The following PARD3 variants were observed in gnomAD, a reference collection of about 807,000 sequenced individuals.
The protein encoded by PARD3 is par-3 family cell polarity regulator, also known as partitioning defective 3 homolog.
PARD3 carries 75 observed loss-of-function variants against 155.4 expected under a neutral mutation model. The ratio of observed to expected loss-of-function variants is 0.48; its 90% CI spans 0.40 to 0.58. The LOEUF is 0.58. Among genes scored for constraint, PARD3 ranks in the 20% least tolerant of loss-of-function variants. The probability of loss-of-function intolerance (pLI) is 0.00; values close to 1 mark genes in which losing one functional copy is unlikely to be tolerated. For synonymous variants in PARD3, 576 were observed against 610.5 expected (o/e 0.94, Z 0.83); for missense variants, 1,642 against 1,721.7 (o/e 0.95, Z 0.82).
intron 2 of PARD3, among the ~76,000 whole-genome samples, chr10:34,574,390 A>G (rs2086723314): frequency 1.3e-5 from 2 of 152,316 alleles, no homozygotes; most frequent in South Asian, 4.1e-4. Flanking sequence ...ACACTTGTCC[A>G]TAATTCCTGT....
chr10:34,541,266 C>A (rs186685923), intron 2 of PARD3, among the ~76,000 whole-genome samples: 59 of 152,198 alleles, frequency 3.9e-4, no homozygotes, highest in Admixed American at 1.4e-3. Flanking sequence ...ATAAGAAACA[C>A]AAATGCAAAG....
intron 10 of PARD3, among the ~76,000 whole-genome samples, chr10:34,375,375 T>C (rs1316878178): frequency 6.6e-6 from 1 of 152,134 alleles, no homozygotes; most frequent in Non-Finnish European, 1.5e-5. Context: ...CATCATAGGT[T>C]TTCTTACACC....
At chr10:34,794,614 G>A (rs780570943) in intron 1 of PARD3, among the ~76,000 whole-genome samples, 2 of 152,164 alleles carry the variant, frequency 1.3e-5, no homozygotes, top group Non-Finnish European at 2.9e-5. Context: ...TTCCCATAAA[G>A]AAATGAGTGG....
chr10:34,473,402 C>A lies in PARD3; in HGVS notation c.404-3139G>T, dbSNP rs148605818. On this transcript the variant is annotated intron_variant, in intron 3 of 24. Transcript: ENST00000374788. ...AACAAAACCCAATAAAACAAGTCAA[C>A]GAGGCCAGGTGCAATGGCTCACACC... Among the ~76,000 whole-genome samples, 103 of 152,064 alleles carry A rather than the reference C, an allele frequency of 6.8e-4. 1 individual carries two copies. The South Asian group carries it at 7.5e-3, about 11-fold the overall frequency.
intron 22 of PARD3, among the ~76,000 whole-genome samples, chr10:34,134,644 C>T (rs995939794): frequency 6.6e-6 from 1 of 152,214 alleles, no homozygotes; most frequent in South Asian, 2.1e-4. Context: ...ACCCCCTTTT[C>T]CTCTGCTCTT....
rs189911803 is a variant in PARD3 at position 34,799,294 on chromosome 10, G to A, written c.120+15582C>T. ...TGACCTCAGGTGATCCACCCGCCTCGGCCTCCCAAAGTGCTGGGATTACAA... is the reference window on the plus strand; with the variant it reads ...TGACCTCAGGTGATCCACCCGCCTCAGCCTCCCAAAGTGCTGGGATTACAA... On this transcript the variant is annotated intron_variant, in intron 1 of 24. Coordinates refer to ENST00000374788, the MANE Select transcript of PARD3 (RefSeq NM_001184785.2). 3.4e-3 allele frequency among the ~76,000 whole-genome samples: 521 copies of A among 152,098 alleles called. 4 individuals carry two copies. The highest frequency in any genetic ancestry group is 0.012 in the African/African-American group (488 of 41,490).
chr10:34,487,935 A>G (rs1460155986), intron 3 of PARD3, among the ~76,000 whole-genome samples: 1 of 152,218 alleles, frequency 6.6e-6, no homozygotes, highest in African/African-American at 2.4e-5. Flanking sequence ...CTCTCCTTTG[A>G]CATTTGTCTT....
In PARD3 at chr10:34,678,563, G is replaced by A. The variant is rs555001864; in HGVS notation, c.222+17755C>T. ...CATGTTTTAGTAAGAGATTCCATACGAGTAATAAGGATCTGCTAATATCAC... is the reference window on the plus strand; with the variant it reads ...CATGTTTTAGTAAGAGATTCCATACAAGTAATAAGGATCTGCTAATATCAC... On this transcript the variant is annotated intron_variant, in intron 2 of 24. Transcript: ENST00000374788. Among the ~76,000 whole-genome samples, 350 of 152,018 alleles carry A rather than the reference G, an allele frequency of 2.3e-3. 3 individuals carry two copies. The highest frequency in any genetic ancestry group is 0.01 in the Middle Eastern group (3 of 292).
intron 20 of PARD3, among the ~76,000 whole-genome samples, chr10:34,305,517 G>A (rs1028918049): frequency 6.6e-6 from 1 of 152,340 alleles, no homozygotes; most frequent in Non-Finnish European, 1.5e-5. Context: ...AGACTCTGAC[G>A]TTTTCAGGCG....
chr10:34,323,529 A>ATGAC (rs760848102), intron 19 of PARD3, among the ~76,000 whole-genome samples: 1 of 152,202 alleles, frequency 6.6e-6, no homozygotes, highest in Non-Finnish European at 1.5e-5. Flanking sequence ...GTTCAAATAG[A>ATGAC]TGACTCCTCA....
rs1409178551 is a variant in PARD3 at position 34,381,575 on chromosome 10, A to T, written c.1399+965T>A. ...GTATACAGGAAGGGTACTAAAATAC[A>T]TAATGGATGGAAGATGTATGAAGAA... On this transcript the variant is annotated intron_variant, in intron 9 of 24. Transcript: ENST00000374788. Among the ~76,000 whole-genome samples, 3 of 152,302 alleles carry T rather than the reference A, an allele frequency of 2.0e-5. No homozygotes were observed. The South Asian group carries it at 6.2e-4, about 32-fold the overall frequency.
chr10:34,300,027 G>A (rs565331843), intron 20 of PARD3, among the ~76,000 whole-genome samples: 31 of 152,206 alleles, frequency 2.0e-4, no homozygotes, highest in African/African-American at 6.7e-4. Flanking sequence ...TGCAATAACC[G>A]GAGAGTACAT....
At chr10:34,505,722 A>G (rs1043461266) in intron 3 of PARD3, among the ~76,000 whole-genome samples, 1 of 152,216 alleles carries the variant, frequency 6.6e-6, no homozygotes, top group African/African-American at 2.4e-5. Context: ...ACCAGTTACT[A>G]TTATAAAGTG....
intron 20 of PARD3, among the ~76,000 whole-genome samples, chr10:34,294,947 A>G (rs1041064329): frequency 6.6e-6 from 1 of 152,162 alleles, no homozygotes; most frequent in African/African-American, 2.4e-5. Flanking sequence ...TCACGCCTGC[A>G]ATACTAGCAC....
intron 1 of PARD3, among the ~76,000 whole-genome samples, chr10:34,758,441 A>G (rs1004410198): frequency 6.6e-6 from 1 of 152,196 alleles, no homozygotes; most frequent in Admixed American, 6.5e-5. Flanking sequence ...ACTCCACCAC[A>G]CTATGCCTCA....
chr10:34,800,688 C>T (rs772505450), intron 1 of PARD3, among the ~76,000 whole-genome samples: 2 of 152,156 alleles, frequency 1.3e-5, no homozygotes, highest in African/African-American at 4.8e-5. Flanking sequence ...CTCCTCCTTG[C>T]TGTCTGAGAC....
chr10:34,812,775 C>T (rs2134442474), intron 1 of PARD3, among the ~76,000 whole-genome samples: 1 of 152,298 alleles, frequency 6.6e-6, no homozygotes, highest in African/African-American at 2.4e-5. Context: ...TCTCCAACTC[C>T]CATGTCACTA....
intron 2 of PARD3, among the ~76,000 whole-genome samples, chr10:34,644,065 T>G (rs914390707): frequency 6.6e-6 from 1 of 152,232 alleles, no homozygotes; most frequent in Admixed American, 6.5e-5. Context: ...TTTTTTAGGC[T>G]GCAAAATACT....
chr10:34,597,033 G>A (rs907246681), intron 2 of PARD3, among the ~76,000 whole-genome samples: 1 of 152,132 alleles, frequency 6.6e-6, no homozygotes, highest in African/African-American at 2.4e-5. Flanking sequence ...ACTACAGAAG[G>A]TTCTAGGCTC....
Sources: allele counts gnomAD v4.1 joint callset (sites outside exome capture counted in the v4.1 genomes callset), GRCh38; gene constraint gnomAD v4.1.1; transcripts MANE v1.5; gene names NCBI Gene and HGNC (gene_info 2026-07-23, HGNC 2026-07-21).